Variants in PITPNC1 observed in about 807,000 individuals in gnomAD.
PITPNC1 encodes cytoplasmic phosphatidylinositol transfer protein 1.
Under a neutral mutation model 44.7 loss-of-function variants are expected in PITPNC1, and 18 were observed. That is an observed-to-expected ratio of 0.40 (90% confidence interval 0.28 to 0.60). PITPNC1 has a LOEUF of 0.60. Ranked by LOEUF, PITPNC1 falls within the 20% of genes least tolerant of loss-of-function variation. PITPNC1 has a pLI of 0.39. For synonymous variants in PITPNC1, 141 were observed against 149.6 expected (o/e 0.94, Z 0.42); for missense variants, 290 against 418.4 (o/e 0.69, Z 2.68).
At chr17:67,420,370 TCCTTCCTCCCTCCCCTC>T (rs2038653148) in intron 1 of PITPNC1, among the ~76,000 whole-genome samples, 3 of 4,882 alleles carry the variant, frequency 6.1e-4, no homozygotes, top group South Asian at 0.013. Context: ...TCTCCTTCCT[TCCTTCCTCCCTCCCCTC>T]CCTCCCTCCC....
intron 1 of PITPNC1, among the ~76,000 whole-genome samples, chr17:67,440,114 A>G (rs1171960317): frequency 6.6e-6 from 1 of 152,220 alleles, no homozygotes; most frequent in Non-Finnish European, 1.5e-5. Flanking sequence ...CTAGTAAAAC[A>G]CTAGCCCTTG....
In PITPNC1 at chr17:67,425,193, G is replaced by GCGCACACA. The variant is rs1160522771; in HGVS notation, c.48+46992_48+46993insGCACACAC. 1.5e-4 allele frequency among the ~76,000 whole-genome samples: 8 copies of GCGCACACA among 52,118 alleles called. 1 individual carries two copies. The highest frequency in any genetic ancestry group is 7.2e-4 in the African/African-American group (7 of 9,762). The allele number at this position is 52,118 out of a possible 152,430, so 34.2% of individuals were successfully genotyped here. ...AAATAAACAGCCATGTTGTGCGCGC[G>GCGCACACA]CACGCACACGCACACACACACACAC... On this transcript the variant is annotated intron_variant, in intron 1 of 8. Coordinates refer to ENST00000581322, the MANE Select transcript of PITPNC1 (RefSeq NM_012417.4).
intron 2 of PITPNC1, among the ~76,000 whole-genome samples, chr17:67,545,372 G>C (rs746995659): frequency 6.6e-6 from 1 of 151,912 alleles, no homozygotes; most frequent in East Asian, 1.9e-4. Flanking sequence ...GAGGTCAGGC[G>C]TTTGAGACCA....
chr17:67,518,226 C>A (rs1197695208), intron 1 of PITPNC1, among the ~76,000 whole-genome samples: 4 of 152,198 alleles, frequency 2.6e-5, no homozygotes, highest in African/African-American at 9.6e-5. Context: ...TACCACCACT[C>A]CTGGGTTCCC....
At chr17:67,495,164 C>T (rs1196513492) in intron 1 of PITPNC1, among the ~76,000 whole-genome samples, 2 of 148,004 alleles carry the variant, frequency 1.4e-5, no homozygotes, top group Non-Finnish European at 3.0e-5. Context: ...TCACGCCATT[C>T]TCCTGCCTCA....
At chr17:67,531,582 ATG>A (rs1172987709) in intron 1 of PITPNC1, among the ~76,000 whole-genome samples, 1 of 152,186 alleles carries the variant, frequency 6.6e-6, no homozygotes, top group African/African-American at 2.4e-5. Flanking sequence ...CTTCGGGCAC[ATG>A]TGTCTTCTCA....
intron 1 of PITPNC1, among the ~76,000 whole-genome samples, chr17:67,445,882 A>G (rs2039085558): frequency 6.6e-6 from 1 of 152,064 alleles, no homozygotes; most frequent in African/African-American, 2.4e-5. Context: ...CATTTGGAGC[A>G]TAGGGCTTAA....
At chr17:67,678,538 C>G (rs376738502) in intron 8 of PITPNC1, among the ~76,000 whole-genome samples, 5 of 152,322 alleles carry the variant, frequency 3.3e-5, no homozygotes, top group Admixed American at 1.3e-4. Context: ...CAGCAGTGGT[C>G]TGAGAACTAC....
chr17:67,643,942 G>A (rs572908827), intron 6 of PITPNC1, among the ~76,000 whole-genome samples: 1 of 152,266 alleles, frequency 6.6e-6, no homozygotes, highest in Non-Finnish European at 1.5e-5. Context: ...TTTGCGTGTC[G>A]CTTTTCCCTT....
At position 67,377,737 on chromosome 17, in the gene PITPNC1, T is replaced by C. The variant is rs2037892436; in HGVS notation, c.-418T>C. 1 of 159,964 alleles carries C rather than the reference T, an allele frequency of 6.3e-6. No homozygotes were observed. 9.9% of individuals were successfully genotyped at this position (159,964 alleles called of 1,614,324 possible). A position where few individuals can be genotyped will look rare whatever the true frequency, so the allele number is the denominator to read the frequency against. On this transcript the variant is annotated 5_prime_UTR_variant, in exon 1 of 9. Transcript: ENST00000581322. ...GTTCCCGTCTGCTTTCGGAGGCGGA[T>C]CGAGCGGGTGACTTTTGTGCATTCG...
At chr17:67,592,063 T>G (rs140991113) in intron 5 of PITPNC1, among the ~76,000 whole-genome samples, 1 of 152,034 alleles carries the variant, frequency 6.6e-6, no homozygotes, top group Admixed American at 6.6e-5. Context: ...GTATAAGGAA[T>G]GTAACTAAAG....
intron 1 of PITPNC1, chr17:67,471,359 AG>A (rs1429310064): frequency 8.0e-6 from 2 of 249,404 alleles, no homozygotes; most frequent in South Asian, 7.5e-5. Context: ...TTCATTTACC[AG>A]TTGATGGACA....
chr17:67,446,122 T>C (rs1269839296), intron 1 of PITPNC1, among the ~76,000 whole-genome samples: 3 of 151,820 alleles, frequency 2.0e-5, no homozygotes, highest in East Asian at 3.9e-4. Context: ...AATTTTTGTA[T>C]TTTTGGTACA....
chr17:67,419,811 CAGA>C (rs570637706), intron 1 of PITPNC1, among the ~76,000 whole-genome samples: 207 of 151,946 alleles, frequency 1.4e-3, no homozygotes, highest in Admixed American at 4.9e-3. Flanking sequence ...GAGGCTGAGG[CAGA>C]AGAATTGCTT....
chr17:67,379,262 A>G (rs2037921546), intron 1 of PITPNC1: 5 of 985,654 alleles, frequency 5.1e-6, no homozygotes, highest in Non-Finnish European at 6.0e-6. Flanking sequence ...CCTCGAAACT[A>G]TCAGATATGT....
intron 1 of PITPNC1, among the ~76,000 whole-genome samples, chr17:67,388,013 T>G (rs919004655): frequency 6.6e-6 from 1 of 152,218 alleles, no homozygotes; most frequent in African/African-American, 2.4e-5. Flanking sequence ...GTGCTTAAAC[T>G]TAGGGTCCAC....
At chr17:67,526,907 G>T (rs1284792908) in intron 1 of PITPNC1, among the ~76,000 whole-genome samples, 2 of 152,114 alleles carry the variant, frequency 1.3e-5, no homozygotes, top group Non-Finnish European at 2.9e-5. Context: ...TGCATCCCAT[G>T]ATGTTTTTGA....
intron 1 of PITPNC1, among the ~76,000 whole-genome samples, chr17:67,469,327 A>C (rs933568339): frequency 1.3e-5 from 2 of 152,122 alleles, no homozygotes; most frequent in Non-Finnish European, 2.9e-5. Context: ...CACACATTGC[A>C]TATCCCTGTG....
At chr17:67,383,525 A>G (rs964058411) in intron 1 of PITPNC1, among the ~76,000 whole-genome samples, 23 of 152,080 alleles carry the variant, frequency 1.5e-4, no homozygotes, top group African/African-American at 5.3e-4. Flanking sequence ...ATTGGAACCT[A>G]TTGGAAGGGT....
Sources: allele counts gnomAD v4.1 joint callset (sites outside exome capture counted in the v4.1 genomes callset), GRCh38; gene constraint gnomAD v4.1.1; transcripts MANE v1.5; gene names NCBI Gene and HGNC (gene_info 2026-07-23, HGNC 2026-07-21).